Variants in ACSL3 observed in about 807,000 individuals in gnomAD.
ACSL3 encodes the protein fatty acid CoA ligase Acsl3.
A neutral mutation model predicts 84.7 loss-of-function variants in ACSL3; 34 were observed. The observed-to-expected ratio is 0.40, with a 90% CI of 0.31 to 0.53. The LOEUF (loss-of-function observed/expected upper bound fraction) is 0.53. Ranked by LOEUF, ACSL3 falls within the 20% of genes least tolerant of loss-of-function variation. The pLI, the probability that ACSL3 is intolerant of heterozygous loss-of-function variation, is 0.48. For missense variants in ACSL3, 680 were observed against 873.1 expected (o/e 0.78, Z 2.79); for synonymous variants, 315 against 299.4 (o/e 1.05, Z -0.54).
intron 8 of ACSL3, among the ~76,000 whole-genome samples, chr2:222,921,869 G>A (rs1191674342): frequency 2.0e-5 from 3 of 152,072 alleles, no homozygotes; most frequent in African/African-American, 7.3e-5. Context: ...GACTGATGGA[G>A]GAAACCAGAT....
intron 3 of ACSL3, among the ~76,000 whole-genome samples, chr2:222,907,482 C>T (rs564789526): frequency 1.1e-4 from 16 of 152,092 alleles, no homozygotes; most frequent in African/African-American, 3.1e-4. Flanking sequence ...GAATGATGGC[C>T]GGATGTGGTG....
rs115232510 is a variant in ACSL3 at position 222,906,890 on chromosome 2, C to T, written c.-40-1843C>T. On this transcript the variant is annotated intron_variant, in intron 3 of 16. Coordinates refer to ENST00000357430, the MANE Select transcript of ACSL3 (RefSeq NM_004457.5). ...GGCCTCCCAAAGTACTGGGCAGCCT[C>T]ATCATAATTGCTTACCACCAATGTC... Among the ~76,000 whole-genome samples, 469 of 152,254 alleles carry T rather than the reference C, an allele frequency of 3.1e-3. 2 individuals carry two copies. Among genetic ancestry groups the T allele is most frequent in the African/African-American group, 0.011 (456 of 41,544 alleles).
chr2:222,916,427 G>A lies in ACSL3; in HGVS notation c.487G>A (p.Ala163Thr), dbSNP rs149372861. 39 of 1,613,814 alleles carry A rather than the reference G, an allele frequency of 2.4e-5. No homozygotes were observed. Among genetic ancestry groups the A allele is most frequent in the African/African-American group, 5.3e-5 (4 of 74,898 alleles). ...GGGTCAGAAACCAAAGACCAACATC[G>A]CCATCTTCTGTGAGACCAGGGCCGA... is the stretch of plus-strand genomic sequence containing the variant. ...MLGQKPKTNI[A>T]IFCETRAEWM... Residue 163 changes from alanine (A) to threonine (T), a missense_variant, in exon 5 of 17, where the codon GCC (alanine) becomes ACC (threonine). Ala to Thr is a moderately conservative substitution (Grantham distance 58, BLOSUM62 0). Coordinates refer to ENST00000357430, the MANE Select transcript of ACSL3 (RefSeq NM_004457.5).
chr2:222,921,267 C>G lies in ACSL3; in HGVS notation c.806-13C>G, dbSNP rs1696726602. ...ATGAAAGTGTATGTGTGTGTTTTTT[C>G]TCTTCAATGCAGAAAACCAACCTCA... On this transcript the variant is annotated splice_polypyrimidine_tract_variant and intron_variant, in intron 7 of 16. Transcript: ENST00000357430. 6.3e-7 allele frequency: 1 copy of G among 1,584,266 alleles called. No individual in the cohort carries two copies.
Position 222,943,102 on chromosome 2 carries a change from A to C in ACSL3, c.*1448A>C, listed in dbSNP as rs9288578. On this transcript the variant is annotated 3_prime_UTR_variant, in exon 17 of 17. Coordinates refer to ENST00000357430, the MANE Select transcript of ACSL3 (RefSeq NM_004457.5). Reference sequence around the variant, plus strand: ...GCAAAAATCAAAAAAAAAAAAAACAAAAACAAAAAAAAAGATGAACCTAGG... The same window carrying C: ...GCAAAAATCAAAAAAAAAAAAAACACAAACAAAAAAAAAGATGAACCTAGG... 9 of 203,246 alleles carry C rather than the reference A, an allele frequency of 4.4e-5. No individual in the cohort carries two copies. Among genetic ancestry groups the C allele is most frequent in the African/African-American group, 7.0e-5 (3 of 42,738 alleles). The allele number at this position is 203,246 out of a possible 1,614,324, so 12.6% of individuals were successfully genotyped here.
At chr2:222,918,276 G>T in intron 6 of ACSL3, 121 bp downstream of exon 6, 1 of 514,628 alleles carries the variant, frequency 1.9e-6, no homozygotes, top group East Asian at 3.1e-5. Flanking sequence ...GGACTTTTAT[G>T]AATATCATAC....
intron 4 of ACSL3, among the ~76,000 whole-genome samples, chr2:222,910,288 G>C (rs1411297789): frequency 6.6e-6 from 1 of 152,214 alleles, no homozygotes; most frequent in Non-Finnish European, 1.5e-5. Context: ...TGAAACTCTA[G>C]TAAGTTAAAA....
chr2:222,940,696 G>A (rs1168500018), intron 16 of ACSL3, among the ~76,000 whole-genome samples: 4 of 152,152 alleles, frequency 2.6e-5, no homozygotes, highest in African/African-American at 9.7e-5. Flanking sequence ...CTGTGCGGGT[G>A]TGTAGCCTAG....
intron 10 of ACSL3, 40 bp from the exon 11 acceptor site, chr2:222,924,416 G>A (rs375128811): frequency 1.3e-6 from 2 of 1,512,220 alleles, no homozygotes; most frequent in Non-Finnish European, 1.8e-6. Flanking sequence ...TAAGGCAGCT[G>A]TTATTATTAA....
At chr2:222,902,660 G>A (rs190040207) in intron 3 of ACSL3, among the ~76,000 whole-genome samples, 9 of 152,186 alleles carry the variant, frequency 5.9e-5, no homozygotes, top group African/African-American at 1.9e-4. Flanking sequence ...AGGATGAGGA[G>A]GGCGGAATTT....
intron 3 of ACSL3, among the ~76,000 whole-genome samples, chr2:222,902,953 G>A (rs1245445294): frequency 6.6e-6 from 1 of 152,182 alleles, no homozygotes; most frequent in Non-Finnish European, 1.5e-5. Context: ...TTGAAGGTGA[G>A]GTTTCACCGG....
chr2:222,891,998 A>G (rs142444626), intron 2 of ACSL3, among the ~76,000 whole-genome samples: 158 of 152,274 alleles, frequency 1.0e-3, no homozygotes, highest in Middle Eastern at 3.4e-3. Flanking sequence ...CTTTTCGACA[A>G]TTTTATTTTT....
chr2:222,912,603 T>C (rs1696475000), intron 4 of ACSL3, among the ~76,000 whole-genome samples: 1 of 152,198 alleles, frequency 6.6e-6, no homozygotes, highest in African/African-American at 2.4e-5. Flanking sequence ...TCTGATATGG[T>C]TGAAGGAAAG....
intron 8 of ACSL3, among the ~76,000 whole-genome samples, chr2:222,922,420 T>C (rs1379952576): frequency 2.6e-5 from 4 of 152,260 alleles, no homozygotes; most frequent in Admixed American, 2.0e-4. Context: ...GCAACGCTTA[T>C]AATTCCTGAG....
chr2:222,923,959 TC>T (rs1332500636), intron 10 of ACSL3, among the ~76,000 whole-genome samples: 1 of 152,160 alleles, frequency 6.6e-6, no homozygotes, highest in Admixed American at 6.5e-5. Flanking sequence ...AAGGAAAACT[TC>T]CTGGTGCAAT....
In ACSL3 at chr2:222,944,412, G is replaced by A. The variant is rs967673740; in HGVS notation, c.*2758G>A. On this transcript the variant is annotated 3_prime_UTR_variant, in exon 17 of 17. Transcript: ENST00000357430. The stretch of plus-strand genomic sequence containing the variant: ...TCTGTGATGTTTTACAGGGGGATCC[G>A]CTTTTAAACAGTGTACATATTGGAC... The A allele has an allele frequency of 6.6e-6, 1 of 151,890 alleles. No individual in the cohort carries two copies. Among genetic ancestry groups the A allele is most frequent in the Non-Finnish European group, 1.5e-5 (1 of 67,942 alleles). The allele number at this position is 151,890 out of a possible 1,614,324, so 9.4% of individuals were successfully genotyped here. A position where few individuals can be genotyped will look rare whatever the true frequency, so the allele number is the denominator to read the frequency against.
Position 222,908,858 on chromosome 2 carries a change from T to C in ACSL3, c.86T>C (p.Leu29Pro), listed in dbSNP as rs1387010794. 1 of 1,604,726 alleles carries C rather than the reference T, an allele frequency of 6.2e-7. No individual in the cohort carries two copies. ...NPILLYFIHF[L>P]ISLYTILTYI... ...ATTCTTTTATATTTTATACATTTTCTAATATCACTTTATACTATTTTAACA... is the reference window on the plus strand; with the variant it reads ...ATTCTTTTATATTTTATACATTTTCCAATATCACTTTATACTATTTTAACA... Residue 29 changes from leucine to proline, a missense_variant, in exon 4 of 17, where the codon CTA (leucine) becomes CCA (proline). Transcript: ENST00000357430.
At chr2:222,863,321 G>A (rs1380073758) in intron 1 of ACSL3, among the ~76,000 whole-genome samples, 1 of 152,198 alleles carries the variant, frequency 6.6e-6, no homozygotes, top group Non-Finnish European at 1.5e-5. Context: ...CTAGAGGACA[G>A]TCTTGAAATC....
intron 1 of ACSL3, among the ~76,000 whole-genome samples, chr2:222,870,562 G>A (rs1695273838): frequency 1.3e-5 from 2 of 152,224 alleles, no homozygotes; most frequent in Admixed American, 6.5e-5. Context: ...GCTGGGGCTA[G>A]GGCCAGTGGA....
Sources: gnomAD v4.1 joint callset for allele counts (sites outside exome capture counted in the v4.1 genomes callset) on GRCh38, gnomAD v4.1.1 for gene constraint, MANE v1.5 for transcripts, NCBI Gene and HGNC (gene_info 2026-07-23, HGNC 2026-07-21) for gene names.